The following PREPL variants were observed in gnomAD, a reference collection of about 807,000 sequenced individuals.
The protein encoded by PREPL is prolyl endopeptidase-like.
A neutral mutation model predicts 70.6 loss-of-function variants in PREPL; 77 were observed. The observed-to-expected ratio is 1.09, with a 90% CI of 0.91 to 1.32. The LOEUF is 1.32. Ranked by LOEUF, PREPL falls within the 40% of genes most tolerant of loss-of-function variation. The pLI, the probability that PREPL is intolerant of heterozygous loss-of-function variation, is 0.00. For synonymous variants in PREPL, 315 were observed against 264.8 expected (o/e 1.19, Z -1.84); for missense variants, 1,002 against 778.2 (o/e 1.29, Z -3.42).
chr2:44,338,627 A>G (rs1332985989), intron 6 of PREPL, 91 bp from the exon 7 acceptor site: 2 of 1,026,746 alleles, frequency 1.9e-6, no homozygotes, highest in Admixed American at 5.1e-5. Context: ...AGACCATACT[A>G]GTCCTCACTG....
At chr2:44,342,077 C>A (rs975168233) in intron 5 of PREPL, among the ~76,000 whole-genome samples, 2 of 152,134 alleles carry the variant, frequency 1.3e-5, no homozygotes, top group African/African-American at 4.8e-5. Flanking sequence ...ACCTGGCACC[C>A]TGCTTATCAA....
chr2:44,345,970 T>C (rs1675767880), intron 2 of PREPL, among the ~76,000 whole-genome samples: 1 of 152,026 alleles, frequency 6.6e-6, no homozygotes, highest in African/African-American at 2.4e-5. Flanking sequence ...AGTGAGACCC[T>C]GTCTCTTGAA....
chr2:44,332,757 G>C, intron 7 of PREPL, 101 bp from the exon 8 acceptor site: 3 of 968,832 alleles, frequency 3.1e-6, no homozygotes, highest in Non-Finnish European at 4.5e-6. Context: ...TGGATATCTC[G>C]TTTACTTTTT....
intron 12 of PREPL, among the ~76,000 whole-genome samples, chr2:44,322,241 T>C (rs1673044092): frequency 6.6e-6 from 1 of 151,966 alleles, no homozygotes; most frequent in Non-Finnish European, 1.5e-5. Flanking sequence ...CAAATGGAGA[T>C]GAATACAGGG....
intron 13 of PREPL, 89 bp downstream of exon 13, chr2:44,321,738 G>T (rs1348648187): frequency 1.2e-6 from 2 of 1,609,424 alleles, no homozygotes; most frequent in African/African-American, 1.3e-5. Context: ...AAGTGGCTTT[G>T]TCATAAACCT....
intron 10 of PREPL, among the ~76,000 whole-genome samples, chr2:44,324,584 A>G (rs1235230952): frequency 6.6e-6 from 1 of 152,188 alleles, no homozygotes; most frequent in African/African-American, 2.4e-5. Flanking sequence ...AAATTTAATA[A>G]AACGAAGGCT....
rs1017445701 is a variant in PREPL at position 44,332,443 on chromosome 2, A to G, written c.1086+16T>C. 1.3e-6 allele frequency: 2 copies of G among 1,595,794 alleles called. 1 individual carries two copies. Among genetic ancestry groups the G allele is most frequent in the African/African-American group, 2.7e-5 (2 of 74,504 alleles). ...TTCAGTAAATGGGAGCTGAAAGTGA[A>G]GATTATAAGACCTACCTTGCTTTTG... On this transcript the variant is annotated intron_variant, in intron 8 of 13. Coordinates refer to ENST00000409411, the MANE Select transcript of PREPL (RefSeq NM_001171613.2).
chr2:44,338,286 T>A, intron 7 of PREPL, 65 bp downstream of exon 7: 1 of 1,393,992 alleles, frequency 7.2e-7, no homozygotes, highest in Non-Finnish European at 9.8e-7. Flanking sequence ...AAATGTGATG[T>A]TCTGTTAAGC....
intron 1 of PREPL, among the ~76,000 whole-genome samples, chr2:44,349,631 A>G (rs1257161363): frequency 6.6e-6 from 1 of 152,160 alleles, no homozygotes. Context: ...TGGTTCTTTT[A>G]GAAACCTATT....
rs1347443621 is a variant in PREPL, at chr2:44,318,542, AT to A, written c.*2813del. The A allele has an allele frequency of 6.5e-6, 1 of 154,158 alleles. No individual in the cohort carries two copies. The highest frequency in any genetic ancestry group is 1.4e-5 in the Non-Finnish European group (1 of 69,298). 9.5% of individuals were successfully genotyped at this position (154,158 alleles called of 1,614,324 possible). On this transcript the variant is annotated 3_prime_UTR_variant, in exon 14 of 14. Coordinates refer to ENST00000409411, the MANE Select transcript of PREPL (RefSeq NM_001171613.2). ...TGAGACCATTTCAAACAGGTATTCAATAAAGTATAGAATGGTAACATATCAC... is the reference window on the plus strand; with the variant it reads ...TGAGACCATTTCAAACAGGTATTCAAAAAGTATAGAATGGTAACATATCAC...
chr2:44,332,553 T>C lies in PREPL; in HGVS notation c.992A>G (p.Tyr331Cys). ...SPIRPPKYYT[Y>C]KFAEGKLFEE... ...AAACAGTTTGCCTTCTGCAAACTTG[T>C]ATGTGTAATATTTTGGGGGACGTAT... is the stretch of plus-strand genomic sequence containing the variant. Residue 331 changes from tyrosine to cysteine, a missense_variant, in exon 8 of 14, where the codon TAC becomes TGC. Tyr to Cys is a radical substitution (Grantham distance 194). Transcript: ENST00000409411. 6.2e-7 allele frequency: 1 copy of C among 1,613,886 alleles called. No individual in the cohort carries two copies. Among genetic ancestry groups the C allele is most frequent in the Non-Finnish European group, 8.5e-7 (1 of 1,179,764 alleles).
Position 44,320,655 on chromosome 2 carries a change from G to C in PREPL, c.*701C>G. The stretch of plus-strand genomic sequence containing the variant: ...CTCGTGTTAGGCACCTTTATGAAGA[G>C]ATGAAGACACTGGCATTTCAGTGGG... On this transcript the variant is annotated 3_prime_UTR_variant, in exon 14 of 14. Coordinates refer to ENST00000409411, the MANE Select transcript of PREPL (RefSeq NM_001171613.2). 2 of 1,597,498 alleles carry C rather than the reference G, an allele frequency of 1.3e-6. No individual in the cohort carries two copies. Among genetic ancestry groups the C allele is most frequent in the Non-Finnish European group, 1.7e-6 (2 of 1,165,008 alleles).
intron 1 of PREPL, among the ~76,000 whole-genome samples, chr2:44,357,668 G>A (rs1159405929): frequency 6.6e-6 from 1 of 152,220 alleles, no homozygotes; most frequent in African/African-American, 2.4e-5. Context: ...TGTTTAGAAT[G>A]TGAGCTAATA....
chr2:44,338,576 C>T lies in PREPL; in HGVS notation c.703-40G>A, dbSNP rs376917125. The T allele has an allele frequency of 4.7e-6, 7 of 1,502,698 alleles. No homozygotes were observed. In the African/African-American group the frequency reaches 5.6e-5, roughly 12 times the overall value. 93.1% of individuals were successfully genotyped at this position (1,502,698 alleles called of 1,614,324 possible). On this transcript the variant is annotated intron_variant, in intron 6 of 13. Coordinates refer to ENST00000409411, the MANE Select transcript of PREPL (RefSeq NM_001171613.2). The stretch of plus-strand genomic sequence containing the variant: ...GTTAGAAGACATATAGGTAAGAAAA[C>T]ACGAAGGCTGCAGCATCCAGAGATG...
At chr2:44,334,518 G>C (rs531879984) in intron 7 of PREPL, among the ~76,000 whole-genome samples, 1 of 152,104 alleles carries the variant, frequency 6.6e-6, no homozygotes, top group Admixed American at 6.5e-5. Context: ...AATATGTGAA[G>C]GGTTTTACAT....
chr2:44,335,510 A>G (rs80175101), intron 7 of PREPL, among the ~76,000 whole-genome samples: 2,227 of 152,324 alleles, frequency 0.015, 52 homozygotes, highest in African/African-American at 0.05. Context: ...TAGGCAGAAG[A>G]TTGAAAACTG....
At chr2:44,359,716 GAT>G in intron 1 of PREPL, 1 of 1,593,180 alleles carries the variant, frequency 6.3e-7, no homozygotes, top group Middle Eastern at 1.7e-4. Context: ...TCTGCTGCAT[GAT>G]ATCAAAGTCC....
rs999426190 is a variant in PREPL at position 44,346,734 on chromosome 2, T to C, written c.-48-344A>G. 7.9e-5 allele frequency among the ~76,000 whole-genome samples: 12 copies of C among 152,140 alleles called. No individual in the cohort carries two copies. In the East Asian group the frequency reaches 1.5e-3, roughly 20 times the overall value. On this transcript the variant is annotated intron_variant, in intron 1 of 13. Transcript: ENST00000409411. The stretch of plus-strand genomic sequence containing the variant: ...CAATTAAGGAGAAAATAAAATTCCA[T>C]GAACTTTTACATATTTAATAGGAAA...
rs777857631 is a variant in PREPL at position 44,338,548 on chromosome 2, A to C, written c.703-12T>G. 8.8e-6 allele frequency: 14 copies of C among 1,592,974 alleles called. 1 individual carries two copies. In the South Asian group the frequency reaches 1.6e-4, roughly 18 times the overall value. On this transcript the variant is annotated splice_polypyrimidine_tract_variant and intron_variant, in intron 6 of 13. Transcript: ENST00000409411. ...GCTGTTCTCATTAGCTACGTGGAACAAAGTTAGAAGACATATAGGTAAGAA... is the reference window on the plus strand; with the variant it reads ...GCTGTTCTCATTAGCTACGTGGAACCAAGTTAGAAGACATATAGGTAAGAA...
Sources: gnomAD v4.1 joint callset for allele counts (sites outside exome capture counted in the v4.1 genomes callset) on GRCh38, gnomAD v4.1.1 for gene constraint, MANE v1.5 for transcripts, NCBI Gene and HGNC (gene_info 2026-07-23, HGNC 2026-07-21) for gene names.